The following ASTN1 variants were observed in gnomAD, a reference collection of about 807,000 sequenced individuals.
ASTN1 encodes astrotactin 1.
ASTN1 carries 41 observed loss-of-function variants against 140.7 expected under a neutral mutation model. The observed-to-expected ratio is 0.29, with a 90% confidence interval of 0.23 to 0.38. The LOEUF (loss-of-function observed/expected upper bound fraction) is 0.38, where lower values mean the gene tolerates loss of function less well. ASTN1 is among the 10% of genes least tolerant of loss of function. The probability of loss-of-function intolerance (pLI) is 1.00; values close to 1 mark genes in which losing one functional copy is unlikely to be tolerated. For missense variants in ASTN1, 1,479 were observed against 1,678.8 expected (o/e 0.88, Z 2.08); for synonymous variants, 640 against 652.2 (o/e 0.98, Z 0.29).
chr1:177,119,103 G>C (rs991107603), intron 1 of ASTN1, among the ~76,000 whole-genome samples: 2 of 152,080 alleles, frequency 1.3e-5, no homozygotes, highest in Non-Finnish European at 2.9e-5. Context: ...CTCTGTGCTC[G>C]TGAAACACCC....
chr1:176,918,475 T>A (rs1670587562), intron 16 of ASTN1, among the ~76,000 whole-genome samples: 1 of 152,152 alleles, frequency 6.6e-6, no homozygotes, highest in Non-Finnish European at 1.5e-5. Context: ...ATGTTCCATC[T>A]CATTGGCTCT....
chr1:176,875,488 G>A (rs1368412102), intron 21 of ASTN1, among the ~76,000 whole-genome samples: 2 of 152,194 alleles, frequency 1.3e-5, no homozygotes, highest in Non-Finnish European at 2.9e-5. Flanking sequence ...GATTAAAGAT[G>A]AAAATCTTTT....
At chr1:177,125,403 G>A (rs1012189496) in intron 1 of ASTN1, among the ~76,000 whole-genome samples, 4 of 152,162 alleles carry the variant, frequency 2.6e-5, no homozygotes, top group African/African-American at 9.7e-5. Context: ...TCCCTCACTG[G>A]TTTGTAGAGG....
intron 22 of ASTN1, among the ~76,000 whole-genome samples, chr1:176,867,059 G>A (rs1668149956): frequency 6.6e-6 from 1 of 152,218 alleles, no homozygotes. Context: ...CCTCCTGGGA[G>A]GAGAGTGTGC....
chr1:177,155,615 G>A (rs1683203757), intron 1 of ASTN1, among the ~76,000 whole-genome samples: 1 of 152,154 alleles, frequency 6.6e-6, no homozygotes, highest in South Asian at 2.1e-4. Context: ...AATTCACAGT[G>A]AAACTGAAAA....
chr1:177,136,949 T>C (rs1682231962), intron 1 of ASTN1, among the ~76,000 whole-genome samples: 1 of 152,192 alleles, frequency 6.6e-6, no homozygotes, highest in Non-Finnish European at 1.5e-5. Flanking sequence ...TCCTTTGTTG[T>C]GTGGGCTGCC....
intron 19 of ASTN1, 131 bp from the exon 20 acceptor site, chr1:176,883,125 A>T: frequency 7.8e-7 from 1 of 1,287,128 alleles, no homozygotes; most frequent in Non-Finnish European, 1.1e-6. Flanking sequence ...AGAGAAGGAG[A>T]CTTAGAAGGA....
chr1:177,040,847 C>G (rs1450595150), intron 2 of ASTN1, among the ~76,000 whole-genome samples: 4 of 152,178 alleles, frequency 2.6e-5, no homozygotes, highest in Non-Finnish European at 5.9e-5. Context: ...CCTACAGGGA[C>G]AGTGGTTGGA....
chr1:176,872,526 T>C (rs1668391725), intron 21 of ASTN1, among the ~76,000 whole-genome samples: 2 of 152,318 alleles, frequency 1.3e-5, no homozygotes, highest in African/African-American at 4.8e-5. Flanking sequence ...ACCGAAAGGA[T>C]TTGCCAATGG....
intron 5 of ASTN1, 121 bp downstream of exon 5, chr1:177,029,513 T>G: frequency 9.6e-7 from 1 of 1,044,696 alleles, no homozygotes; most frequent in Non-Finnish European, 1.5e-6. Context: ...CCAAAAATTC[T>G]TCTTGCAGAA....
chr1:176,942,820 GTATATATATATATATGTA>G lies in ASTN1; in HGVS notation c.2377+1053_2377+1070del, dbSNP rs1444176249. Among the ~76,000 whole-genome samples the G allele has an allele frequency of 3.9e-3, 99 of 25,312 alleles. 10 individuals are homozygous for G. The East Asian group carries it at 0.066, about 17-fold the overall frequency. The allele number at this position is 25,312 out of a possible 152,430, so 16.6% of individuals were successfully genotyped here. A position where few individuals can be genotyped will look rare whatever the true frequency, so the allele number is the denominator to read the frequency against. On this transcript the variant is annotated intron_variant, in intron 14 of 22. Transcript: ENST00000361833. Reference sequence around the variant, plus strand: ...CCAAACCAATGTACTTTGTGTGTGTGTATATATATATATATGTATATATATATATATATATATATATAT... The same window carrying G: ...CCAAACCAATGTACTTTGTGTGTGTGTATATATATATATATATATATATAT...
chr1:176,992,496 C>A (rs1466968114), intron 8 of ASTN1, among the ~76,000 whole-genome samples: 2 of 152,056 alleles, frequency 1.3e-5, no homozygotes, highest in South Asian at 2.1e-4. Flanking sequence ...TCATTAAGCA[C>A]CCCCAATTGG....
rs80035249 is a variant in ASTN1, at chr1:176,995,923, T to C, written c.1523+18868A>G. 1.1e-4 allele frequency among the ~76,000 whole-genome samples: 16 copies of C among 152,176 alleles called. 1 individual carries two copies. In the East Asian group the frequency reaches 2.7e-3, roughly 26 times the overall value. On this transcript the variant is annotated intron_variant, in intron 8 of 22. Transcript: ENST00000361833. ...TGTGTAAGGGCAAATGTTGCAGTGATGAAGAGGAGATGCTCCATGCTGGAC... is the reference window on the plus strand; with the variant it reads ...TGTGTAAGGGCAAATGTTGCAGTGACGAAGAGGAGATGCTCCATGCTGGAC...
At chr1:176,950,055 CT>C (rs1672133327) in intron 11 of ASTN1, among the ~76,000 whole-genome samples, 2 of 152,320 alleles carry the variant, frequency 1.3e-5, no homozygotes, top group South Asian at 4.2e-4. Flanking sequence ...CTTTTCAGCA[CT>C]ACCTTGTCCT....
intron 11 of ASTN1, among the ~76,000 whole-genome samples, chr1:176,957,017 C>T (rs1330283685): frequency 1.3e-5 from 2 of 152,126 alleles, no homozygotes; most frequent in Non-Finnish European, 1.5e-5. Context: ...TCTGCCTCAG[C>T]CTCCAGAGTA....
chr1:177,112,880 G>A (rs893561382), intron 1 of ASTN1, among the ~76,000 whole-genome samples: 2 of 151,874 alleles, frequency 1.3e-5, no homozygotes, highest in Admixed American at 6.6e-5. Context: ...ATCATCTCCC[G>A]CTTCTCCCTC....
At chr1:177,010,154 C>T (rs1434523767) in intron 8 of ASTN1, among the ~76,000 whole-genome samples, 2 of 152,120 alleles carry the variant, frequency 1.3e-5, no homozygotes, top group Non-Finnish European at 2.9e-5. Flanking sequence ...CCTCCTCCAC[C>T]CTTGTTTATT....
chr1:176,897,724 C>T (rs994286508), intron 16 of ASTN1, among the ~76,000 whole-genome samples: 4 of 152,030 alleles, frequency 2.6e-5, no homozygotes, highest in Non-Finnish European at 2.9e-5. Flanking sequence ...AACATTTACC[C>T]GACAGAGAAA....
At chr1:176,996,524 T>C (rs754017256) in intron 8 of ASTN1, among the ~76,000 whole-genome samples, 5 of 152,070 alleles carry the variant, frequency 3.3e-5, no homozygotes, top group Non-Finnish European at 7.4e-5. Flanking sequence ...AATTGCTAAA[T>C]TGGTTGAAGA....
Sources: allele counts gnomAD v4.1 joint callset (sites outside exome capture counted in the v4.1 genomes callset), GRCh38; gene constraint gnomAD v4.1.1; transcripts MANE v1.5; gene names NCBI Gene and HGNC (gene_info 2026-07-23, HGNC 2026-07-21).